ONECUT2: variants seen among roughly 807,000 people sequenced by gnomAD.
ONECUT2 encodes one cut homeobox 2, also known as one cut domain family member 2.
A neutral mutation model predicts 27.9 loss-of-function variants in ONECUT2; 10 were observed. The observed-to-expected ratio is 0.36, with a 90% CI of 0.22 to 0.61. The LOEUF (loss-of-function observed/expected upper bound fraction) is 0.61. Ranked by LOEUF, ONECUT2 falls within the 20% of genes least tolerant of loss-of-function variation. The pLI is 0.73. For synonymous variants in ONECUT2, 334 were observed against 315.1 expected, an observed-to-expected ratio of 1.06 and a Z score of -0.64; for missense variants, 686 against 721.0, an observed-to-expected ratio of 0.95 and a Z score of 0.56.
intron 1 of ONECUT2, among the ~76,000 whole-genome samples, chr18:57,469,164 G>A (rs1030513952): frequency 5.3e-5 from 8 of 152,102 alleles, no homozygotes; most frequent in East Asian, 1.9e-4. Context: ...ATGTCCTCCC[G>A]GGAGAGTGCC....
At position 57,436,814 on chromosome 18, in the gene ONECUT2, G is replaced by A. The variant is rs8084084; in HGVS notation, c.1098G>A (p.Gly366=). 13 of 1,613,912 alleles carry A rather than the reference G, an allele frequency of 8.1e-6. No homozygotes were observed. In the African/African-American group the frequency reaches 1.3e-4, roughly 17 times the overall value. ...AGAGGGTGCTGTGCCGGTCTCAGGG[G>A]ACTCTCTCCGACCTGCTCCGGAATC... The part of the protein sequence containing the change: ...FAQRVLCRSQ[G]TLSDLLRNPK... Residue 366 remains glycine (G), a synonymous_variant, in exon 1 of 2, where the codon GGG becomes GGA. Transcript: ENST00000491143. This position sits in a 1 kb window ranked among gnomAD's most constrained non-coding sequence, Gnocchi z 5.9.
intron 1 of ONECUT2, among the ~76,000 whole-genome samples, chr18:57,437,748 G>C (rs1241146107): frequency 6.6e-6 from 1 of 152,238 alleles, no homozygotes; most frequent in Middle Eastern, 3.2e-3. Flanking sequence ...CTTGCTCACC[G>C]GCCGTCCTTG....
At chr18:57,471,797 A>G (rs1309556305) in intron 1 of ONECUT2, among the ~76,000 whole-genome samples, 1 of 152,176 alleles carries the variant, frequency 6.6e-6, no homozygotes, top group Non-Finnish European at 1.5e-5. Flanking sequence ...GTAGGTAAAC[A>G]AATGACTTCT....
At chr18:57,473,044 G>A (rs1284546706) in intron 1 of ONECUT2, among the ~76,000 whole-genome samples, 3 of 152,222 alleles carry the variant, frequency 2.0e-5, no homozygotes, top group African/African-American at 7.2e-5. Flanking sequence ...GGGACCTGAA[G>A]TGGCAGTAGG....
At chr18:57,457,966 C>G (rs554242533) in intron 1 of ONECUT2, among the ~76,000 whole-genome samples, 47 of 151,520 alleles carry the variant, frequency 3.1e-4, no homozygotes, top group African/African-American at 1.1e-3. Context: ...ACACTGGGGC[C>G]TGTTGTGGGG....
chr18:57,440,571 C>T (rs1201910913), intron 1 of ONECUT2, among the ~76,000 whole-genome samples: 2 of 152,236 alleles, frequency 1.3e-5, no homozygotes, highest in African/African-American at 2.4e-5. Flanking sequence ...GAAGCCAATT[C>T]TGTTCAGGCG....
At chr18:57,455,543 C>CTCTCAG (rs1464445208) in intron 1 of ONECUT2, among the ~76,000 whole-genome samples, 15 of 152,100 alleles carry the variant, frequency 9.9e-5, no homozygotes, top group Non-Finnish European at 2.1e-4. Flanking sequence ...TGATTCATTA[C>CTCTCAG]TCTCTCCTTC....
chr18:57,459,888 A>T (rs2050280642), intron 1 of ONECUT2, among the ~76,000 whole-genome samples: 1 of 151,590 alleles, frequency 6.6e-6, no homozygotes, highest in East Asian at 1.9e-4. Flanking sequence ...CTCTTCCTTT[A>T]CTTTATGTGT....
In ONECUT2 at chr18:57,435,464, G is replaced by A. The variant is rs1368022333; in HGVS notation, c.-253G>A. On this transcript the variant is annotated 5_prime_UTR_variant, in exon 1 of 2. Coordinates refer to ENST00000491143, the MANE Select transcript of ONECUT2 (RefSeq NM_004852.3). ...ATGGCGAGGCTGCGAGCCGGCCCGAGCGGCGGGGCCCGGTGATCCCTCCCT... is the reference window on the plus strand; with the variant it reads ...ATGGCGAGGCTGCGAGCCGGCCCGAACGGCGGGGCCCGGTGATCCCTCCCT... 6.6e-6 allele frequency among the ~76,000 whole-genome samples: 1 copy of A among 151,034 alleles called. No homozygotes were observed. Among genetic ancestry groups the A allele is most frequent in the Non-Finnish European group, 1.5e-5 (1 of 67,626 alleles).
At chr18:57,437,840 G>A (rs1391924076) in intron 1 of ONECUT2, among the ~76,000 whole-genome samples, 1 of 152,250 alleles carries the variant, frequency 6.6e-6, no homozygotes, top group Non-Finnish European at 1.5e-5. Flanking sequence ...AAGAGGTGCT[G>A]AGAAATTAAA....
At chr18:57,443,102 G>A (rs1407072034) in intron 1 of ONECUT2, among the ~76,000 whole-genome samples, 1 of 152,224 alleles carries the variant, frequency 6.6e-6, no homozygotes, top group African/African-American at 2.4e-5. Context: ...CACACTCCAT[G>A]GCTAGTGGCT....
intron 1 of ONECUT2, among the ~76,000 whole-genome samples, chr18:57,443,943 A>G (rs1465733513): frequency 6.6e-6 from 1 of 152,204 alleles, no homozygotes; most frequent in Non-Finnish European, 1.5e-5. Context: ...CTCCAATGTA[A>G]TTTAATCAGC....
chr18:57,448,580 G>A (rs1294552014), intron 1 of ONECUT2, among the ~76,000 whole-genome samples: 1 of 152,194 alleles, frequency 6.6e-6, no homozygotes. Context: ...TGTAGTCTTC[G>A]AATCTGTGGA....
intron 1 of ONECUT2, among the ~76,000 whole-genome samples, chr18:57,455,022 A>G (rs2050251064): frequency 6.6e-6 from 1 of 152,218 alleles, no homozygotes; most frequent in South Asian, 2.1e-4. Context: ...CTCTATAATG[A>G]TCACAGGTTT....
chr18:57,437,949 T>C (rs1383736713), intron 1 of ONECUT2, among the ~76,000 whole-genome samples: 2 of 152,220 alleles, frequency 1.3e-5, no homozygotes, highest in Non-Finnish European at 2.9e-5. Flanking sequence ...CGGGGAGGAC[T>C]GGCGGCCCGC....
chr18:57,485,760 G>A lies in ONECUT2; in HGVS notation c.*9037G>A, dbSNP rs1293868067. ...ATGCATCAACAAAGCATAGCTAGTA[G>A]AGGAATATAAATGACAGATTGACAA... On this transcript the variant is annotated 3_prime_UTR_variant, in exon 2 of 2. Coordinates refer to ENST00000491143, the MANE Select transcript of ONECUT2 (RefSeq NM_004852.3). 2 of 152,214 alleles carry A rather than the reference G, an allele frequency of 1.3e-5. No homozygotes were observed. Among genetic ancestry groups the A allele is most frequent in the East Asian group, 3.8e-4 (2 of 5,204 alleles). 9.4% of individuals were successfully genotyped at this position (152,214 alleles called of 1,614,324 possible).
At chr18:57,447,769 A>G (rs1314200662) in intron 1 of ONECUT2, among the ~76,000 whole-genome samples, 1 of 152,108 alleles carries the variant, frequency 6.6e-6, no homozygotes, top group African/African-American at 2.4e-5. Flanking sequence ...CTTTTATTAT[A>G]TTAAACAATA....
In ONECUT2 at chr18:57,487,664, G is replaced by T. The variant is rs2050445120; in HGVS notation, c.*10941G>T. ...CATTTCCCAAAACTTCACATGTGCA[G>T]CTATCATGGCTGTCCCTCCCTAGAC... On this transcript the variant is annotated 3_prime_UTR_variant, in exon 2 of 2. Transcript: ENST00000491143. 6.6e-6 allele frequency: 1 copy of T among 152,164 alleles called. No individual in the cohort carries two copies. Among genetic ancestry groups the T allele is most frequent in the Admixed American group, 6.6e-5 (1 of 15,264 alleles). The allele number at this position is 152,164 out of a possible 1,614,324, so 9.4% of individuals were successfully genotyped here. A position where few individuals can be genotyped will look rare whatever the true frequency, so the allele number is the denominator to read the frequency against.
intron 1 of ONECUT2, among the ~76,000 whole-genome samples, chr18:57,446,821 G>A (rs557162790): frequency 6.6e-6 from 1 of 152,224 alleles, no homozygotes; most frequent in African/African-American, 2.4e-5. Flanking sequence ...CTCCTGCTTA[G>A]TTGGACTGTG....
Sources: allele counts gnomAD v4.1 joint callset (sites outside exome capture counted in the v4.1 genomes callset), GRCh38; gene constraint gnomAD v4.1.1; non-coding constraint Gnocchi (gnomAD v3.1); transcripts MANE v1.5; gene names NCBI Gene and HGNC (gene_info 2026-07-23, HGNC 2026-07-21).